ARSB: variants seen among roughly 807,000 people sequenced by gnomAD.
The protein encoded by ARSB is N-acetylgalactosamine-4-sulfatase.
A neutral mutation model predicts 50.9 loss-of-function variants in ARSB; 41 were observed. The ratio of observed to expected loss-of-function variants is 0.81; its 90% CI spans 0.63 to 1.04. ARSB has a LOEUF of 1.04. ARSB is among the 50% of genes least tolerant of loss of function. The probability of loss-of-function intolerance (pLI) is 0.00; values close to 1 mark genes in which losing one functional copy is unlikely to be tolerated. For synonymous variants in ARSB, 269 were observed against 284.8 expected (o/e 0.94, Z 0.56); for missense variants, 672 against 693.3 (o/e 0.97, Z 0.35).
intron 2 of ARSB, among the ~76,000 whole-genome samples, chr5:78,967,459 G>A (rs941187734): frequency 2.0e-5 from 3 of 152,108 alleles, no homozygotes; most frequent in Non-Finnish European, 4.4e-5. Context: ...TGGGTCACGA[G>A]GTCAGGAGTT....
intron 4 of ARSB, among the ~76,000 whole-genome samples, chr5:78,915,847 C>T (rs764156689): frequency 6.6e-6 from 1 of 152,042 alleles, no homozygotes; most frequent in African/African-American, 2.4e-5. Flanking sequence ...ATTTTGAATG[C>T]GACTAGTCAA....
chr5:78,936,514 G>T (rs1245573266), intron 4 of ARSB, among the ~76,000 whole-genome samples: 6 of 151,518 alleles, frequency 4.0e-5, no homozygotes, highest in African/African-American at 1.2e-4. Context: ...GGAAGGGATA[G>T]GTGTAATACA....
chr5:78,984,291 T>C (rs952573945), intron 1 of ARSB, among the ~76,000 whole-genome samples: 3 of 152,218 alleles, frequency 2.0e-5, no homozygotes, highest in Non-Finnish European at 4.4e-5. Flanking sequence ...TCTACATTTA[T>C]ATTTCCTTCG....
chr5:78,817,865 G>A (rs1267248195), intron 6 of ARSB, among the ~76,000 whole-genome samples: 1 of 151,790 alleles, frequency 6.6e-6, no homozygotes, highest in African/African-American at 2.4e-5. Flanking sequence ...ACAACTAAGG[G>A]CTGGGCACAG....
chr5:78,853,525 G>C (rs1039444654), intron 5 of ARSB, among the ~76,000 whole-genome samples: 2 of 152,224 alleles, frequency 1.3e-5, no homozygotes, highest in Admixed American at 6.5e-5. Flanking sequence ...CCCACTTGAG[G>C]AGGCAGTCTG....
At position 78,982,307 on chromosome 5, in the gene ARSB, AT is replaced by A. The variant is rs550552279; in HGVS notation, c.312+2629del. Among the ~76,000 whole-genome samples the A allele has an allele frequency of 2.0e-5, 3 of 152,380 alleles. No individual in the cohort carries two copies. In the South Asian group the frequency reaches 6.2e-4, roughly 32 times the overall value. On this transcript the variant is annotated intron_variant, in intron 1 of 7. Transcript: ENST00000264914. Reference sequence around the variant, plus strand: ...TTCATTTTATTGTCTAAAATTATGCATAACAAATGACTCAGAAATAAAATCT... The same window carrying A: ...TTCATTTTATTGTCTAAAATTATGCAAACAAATGACTCAGAAATAAAATCT...
chr5:78,867,169 A>G (rs1258519933), intron 5 of ARSB, among the ~76,000 whole-genome samples: 5 of 152,144 alleles, frequency 3.3e-5, no homozygotes, highest in African/African-American at 7.2e-5. Context: ...AGGGTCCTAC[A>G]CCCACGGAAT....
chr5:78,964,223 T>C (rs1272025232), intron 3 of ARSB, among the ~76,000 whole-genome samples, 193 bp downstream of exon 3: 1 of 152,196 alleles, frequency 6.6e-6, no homozygotes, highest in African/African-American at 2.4e-5. Context: ...AATCACACCC[T>C]AGAGGTGGGC....
chr5:78,834,607 G>GTATATATATATATA (rs58773415), intron 6 of ARSB, among the ~76,000 whole-genome samples: 33 of 85,632 alleles, frequency 3.9e-4, no homozygotes, highest in East Asian at 8.2e-4. Context: ...ATATATATGT[G>GTATATATATATATA]TATATATATA....
In ARSB at chr5:78,814,276, AAC is replaced by A. The variant is rs916787640; in HGVS notation, c.1213+25078_1213+25079del. On this transcript the variant is annotated intron_variant, in intron 6 of 7. Coordinates refer to ENST00000264914, the MANE Select transcript of ARSB (RefSeq NM_000046.5). ...AGTCTATACAGTTTTTCAATAGTGT[AAC>A]ACACAAATCAGTCAGCACATACATT... Among the ~76,000 whole-genome samples, 8 of 151,112 alleles carry A rather than the reference AAC, an allele frequency of 5.3e-5. 1 individual carries two copies. Among genetic ancestry groups the A allele is most frequent in the African/African-American group, 2.0e-4 (8 of 40,834 alleles).
At chr5:78,931,801 G>C (rs1040538278) in intron 4 of ARSB, among the ~76,000 whole-genome samples, 1 of 152,040 alleles carries the variant, frequency 6.6e-6, no homozygotes. Flanking sequence ...GTTGAAGAAG[G>C]GACCTGGTGG....
In ARSB at chr5:78,969,135, G is replaced by C; in HGVS notation, c.370C>G (p.Leu124Val). 6.2e-7 allele frequency: 1 copy of C among 1,614,172 alleles called. No individual in the cohort carries two copies. The highest frequency in any genetic ancestry group is 8.5e-7 in the Non-Finnish European group (1 of 1,180,028). Reference sequence around the variant, plus strand: ...AGCTGGGGCAGGAGTTTTTCATCCAGAGGAACACAGCTGGGCTGACAGGGC... The same window carrying C: ...AGCTGGGGCAGGAGTTTTTCATCCACAGGAACACAGCTGGGCTGACAGGGC... ...IWPCQPSCVP[L>V]DEKLLPQLLK... The change falls in exon 2 of 8, where the codon CTG becomes GTG. Residue 124 changes from leucine to valine, a missense_variant. By Grantham distance (32) the Leu-to-Val change is conservative. Coordinates refer to ENST00000264914, the MANE Select transcript of ARSB (RefSeq NM_000046.5).
chr5:78,833,406 A>G (rs936795673), intron 6 of ARSB, among the ~76,000 whole-genome samples: 5 of 152,194 alleles, frequency 3.3e-5, no homozygotes, highest in African/African-American at 9.7e-5. Flanking sequence ...GGAACAAAGG[A>G]AAAGAGAAGG....
chr5:78,793,735 T>C (rs1368537781), intron 6 of ARSB, among the ~76,000 whole-genome samples: 3 of 152,038 alleles, frequency 2.0e-5, no homozygotes, highest in Admixed American at 6.5e-5. Context: ...GCAGTGATGA[T>C]CAATTTTGAT....
intron 1 of ARSB, among the ~76,000 whole-genome samples, chr5:78,971,231 C>A (rs1432839305): frequency 6.6e-6 from 1 of 152,218 alleles, no homozygotes; most frequent in Non-Finnish European, 1.5e-5. Flanking sequence ...CCCTCCTTGT[C>A]TACCCAGTCC....
chr5:78,820,938 C>CA (rs1198227785), intron 6 of ARSB, among the ~76,000 whole-genome samples: 182 of 133,050 alleles, frequency 1.4e-3, no homozygotes, highest in East Asian at 5.6e-3. Context: ...AAGTATGTGG[C>CA]AAAAAAAAAA....
At chr5:78,928,317 T>C (rs1750148143) in intron 4 of ARSB, among the ~76,000 whole-genome samples, 1 of 128,392 alleles carries the variant, frequency 7.8e-6, no homozygotes, top group East Asian at 2.3e-4. Flanking sequence ...TTTTTTTTTT[T>C]TTTTTTTTTT....
chr5:78,984,426 G>A (rs750178532), intron 1 of ARSB, among the ~76,000 whole-genome samples: 4 of 152,196 alleles, frequency 2.6e-5, no homozygotes, highest in Non-Finnish European at 5.9e-5. Context: ...CCTAGCATCA[G>A]GTTTCATTCC....
At chr5:78,884,303 T>C (rs1331906194) in intron 5 of ARSB, 1 of 152,148 alleles carries the variant, frequency 6.6e-6, no homozygotes, top group African/African-American at 2.4e-5. Flanking sequence ...CTTATGCACC[T>C]TACCTATATT....
Sources: gnomAD v4.1 joint callset for allele counts (sites outside exome capture counted in the v4.1 genomes callset) on GRCh38, gnomAD v4.1.1 for gene constraint, MANE v1.5 for transcripts, NCBI Gene and HGNC (gene_info 2026-07-23, HGNC 2026-07-21) for gene names.